The following SYNJ2 variants were observed in gnomAD, a reference collection of about 807,000 sequenced individuals.
The protein encoded by SYNJ2 is polyphosphatidylinositol phosphatase SYNJ2.
SYNJ2 carries 116 observed loss-of-function variants against 141.3 expected under a neutral mutation model. That is an observed-to-expected ratio of 0.82 (90% CI 0.71 to 0.96). SYNJ2 has a LOEUF of 0.96. SYNJ2 is among the 40% of genes least tolerant of loss of function. The pLI is 0.00. For synonymous variants in SYNJ2, 745 were observed against 777.7 expected (o/e 0.96, Z 0.70); for missense variants, 1,873 against 1,934.8 (o/e 0.97, Z 0.60).
chr6:158,085,177 G>A (rs1782956862), intron 22 of SYNJ2, among the ~76,000 whole-genome samples: 1 of 151,866 alleles, frequency 6.6e-6, no homozygotes, highest in South Asian at 2.1e-4. Flanking sequence ...GCACCAGCAT[G>A]CCCAGATAAT....
chr6:157,992,180 C>A (rs1777465141), intron 1 of SYNJ2, among the ~76,000 whole-genome samples: 1 of 152,070 alleles, frequency 6.6e-6, no homozygotes, highest in Admixed American at 6.6e-5. Context: ...TATATAGTCA[C>A]CATGTTGTGC....
intron 7 of SYNJ2, chr6:158,059,556 CTTTTTTT>C (rs71805887): frequency 8.5e-7 from 1 of 1,178,638 alleles, no homozygotes; most frequent in Non-Finnish European, 1.1e-6. Flanking sequence ...AATTTCTTTT[CTTTTTTT>C]TTTTTTTTAA....
At position 158,033,800 on chromosome 6, in the gene SYNJ2, C is replaced by T. The variant is rs1779500063; in HGVS notation, c.711+120C>T. On this transcript the variant is annotated intron_variant, in intron 4 of 26. Coordinates refer to ENST00000355585, the MANE Select transcript of SYNJ2 (RefSeq NM_003898.4). ...ATATTTGTGGTGGTCTCTGATCAGG[C>T]TTCCTCCTATAAGTGGAGAACAGCA... 5.9e-6 allele frequency: 6 copies of T among 1,019,080 alleles called. No homozygotes were observed. The East Asian group carries it at 1.0e-4, about 18-fold the overall frequency. The allele number at this position is 1,019,080 out of a possible 1,614,324, so 63.1% of individuals were successfully genotyped here.
At chr6:158,006,739 C>T (rs925181531) in intron 1 of SYNJ2, among the ~76,000 whole-genome samples, 2 of 152,166 alleles carry the variant, frequency 1.3e-5, no homozygotes, top group Admixed American at 1.3e-4. Flanking sequence ...GTGGTGCGAT[C>T]TCGGCTCACT....
At chr6:158,051,305 C>T (rs1355142765) in intron 5 of SYNJ2, among the ~76,000 whole-genome samples, 1 of 152,032 alleles carries the variant, frequency 6.6e-6, no homozygotes, top group Non-Finnish European at 1.5e-5. Flanking sequence ...GCAGGTAGCC[C>T]CTCTCTTGGG....
chr6:158,087,107 C>A, intron 23 of SYNJ2, 118 bp downstream of exon 23: 3 of 1,179,444 alleles, frequency 2.5e-6, no homozygotes, highest in Non-Finnish European at 3.5e-6. Flanking sequence ...CCCCACAGGG[C>A]TTCCTCCTCC....
Position 158,088,765 on chromosome 6 carries a change from A to G in SYNJ2, c.3449A>G (p.Gln1150Arg), listed in dbSNP as rs1267810475. 1.9e-6 allele frequency: 3 copies of G among 1,611,550 alleles called. No individual in the cohort carries two copies. Among genetic ancestry groups the G allele is most frequent in the Non-Finnish European group, 2.5e-6 (3 of 1,177,862 alleles). Residue 1150 changes from glutamine to arginine, a missense_variant, in exon 24 of 27, where the codon CAG (glutamine) becomes CGG (arginine). By Grantham distance (43) the Gln-to-Arg change is conservative (BLOSUM62 1). Transcript: ENST00000355585. ...QTARLLPGAP[Q>R]QPPKARTGIS... ...GCAAGACTTCTACCAGGAGCACCTC[A>G]GCAACCTGTGAGTTCTTCTGCATAC...
At chr6:158,020,995 G>T (rs547176773) in intron 2 of SYNJ2, among the ~76,000 whole-genome samples, 1 of 152,310 alleles carries the variant, frequency 6.6e-6, no homozygotes, top group South Asian at 2.1e-4. Flanking sequence ...ATGCCAGCAG[G>T]AAGGGGTTGG....
chr6:157,996,960 T>A (rs1435497252), intron 1 of SYNJ2, among the ~76,000 whole-genome samples: 1 of 152,132 alleles, frequency 6.6e-6, no homozygotes, highest in East Asian at 1.9e-4. Context: ...TTTATAGCAG[T>A]GCGAGAACAG....
At chr6:158,005,803 C>T (rs1766148246) in intron 1 of SYNJ2, among the ~76,000 whole-genome samples, 1 of 152,132 alleles carries the variant, frequency 6.6e-6, no homozygotes, top group Non-Finnish European at 1.5e-5. Context: ...CTCGTCCTCT[C>T]ATTCCACCCC....
At chr6:158,054,937 A>C in intron 5 of SYNJ2, 30 bp from the exon 6 acceptor site, 1 of 1,612,480 alleles carries the variant, frequency 6.2e-7, no homozygotes, top group Non-Finnish European at 8.5e-7. Context: ...GAGAAGGAAG[A>C]ATCACTGTTG....
At position 158,071,887 on chromosome 6, in the gene SYNJ2, ACAG is replaced by A. The variant is rs1333744057; in HGVS notation, c.2133+94_2133+96del. Reference sequence around the variant, plus strand: ...GGAGCCAGGCACTGGGGACACAACCACAGGGAGGGCCCCTTCCTGGAGGGCTCA... The same window carrying A: ...GGAGCCAGGCACTGGGGACACAACCAGGAGGGCCCCTTCCTGGAGGGCTCA... On this transcript the variant is annotated intron_variant, in intron 15 of 26. Coordinates refer to ENST00000355585, the MANE Select transcript of SYNJ2 (RefSeq NM_003898.4). This position sits in a 1 kb window ranked among gnomAD's most constrained non-coding sequence, Gnocchi z 4.3. 6 of 1,417,970 alleles carry A rather than the reference ACAG, an allele frequency of 4.2e-6. No homozygotes were observed. Among genetic ancestry groups the A allele is most frequent in the Non-Finnish European group, 5.7e-6 (6 of 1,050,802 alleles). The allele number at this position is 1,417,970 out of a possible 1,614,324, so 87.8% of individuals were successfully genotyped here.
In SYNJ2 at chr6:158,061,988, T is replaced by C; in HGVS notation, c.955-4T>C. The C allele has an allele frequency of 6.2e-7, 1 of 1,613,452 alleles. No individual in the cohort carries two copies. Among genetic ancestry groups the C allele is most frequent in the Non-Finnish European group, 8.5e-7 (1 of 1,179,756 alleles). ...CCCTCACCGCCCTCCCCTCCTCTTT[T>C]CAGAAGCTGCTCTGGGCTTCTTGCC... On this transcript the variant is annotated splice_region_variant and splice_polypyrimidine_tract_variant and intron_variant, in intron 7 of 26. Transcript: ENST00000355585.
In SYNJ2 at chr6:158,096,173, T is replaced by G; in HGVS notation, c.4300T>G (p.Ser1434Ala). The G allele has an allele frequency of 6.2e-7, 1 of 1,614,226 alleles. No homozygotes were observed. ...GAATAACACTTGGCTTTCTAAGAGC[T>G]CAGACCCTTTGGACTCAGGAACCAG... ...LLNNTWLSKS[S>A]DPLDSGTRSP... The change falls in exon 27 of 27, where the codon TCA (serine) becomes GCA (alanine). Residue 1434 changes from serine (S) to alanine (A), a missense_variant. By Grantham distance (99) the Ser-to-Ala change is moderately conservative (BLOSUM62 1). Coordinates refer to ENST00000355585, the MANE Select transcript of SYNJ2 (RefSeq NM_003898.4).
intron 1 of SYNJ2, among the ~76,000 whole-genome samples, chr6:158,008,288 A>G (rs1373799288): frequency 1.3e-5 from 2 of 152,200 alleles, no homozygotes; most frequent in Non-Finnish European, 2.9e-5. Flanking sequence ...TGTGTTTTTT[A>G]AAAGAGCTCT....
intron 1 of SYNJ2, among the ~76,000 whole-genome samples, chr6:157,996,165 G>A (rs1777624267): frequency 6.6e-6 from 1 of 152,112 alleles, no homozygotes; most frequent in Admixed American, 6.5e-5. Flanking sequence ...TCCCATTTTG[G>A]TTAATGGCAG....
Position 158,089,966 on chromosome 6 carries a change from G to T in SYNJ2, c.3565+19G>T, listed in dbSNP as rs747350417. 3 of 1,576,954 alleles carry T rather than the reference G, an allele frequency of 1.9e-6. No homozygotes were observed. The East Asian group carries it at 6.7e-5, about 35-fold the overall frequency. ...AGAGGAGGTAGGTGCTTTCCTGGGG[G>T]CAGGGGAAAAACCAATTCTCCTTTT... On this transcript the variant is annotated intron_variant, in intron 25 of 26. Transcript: ENST00000355585.
chr6:158,063,218 C>T (rs964300103), intron 8 of SYNJ2, among the ~76,000 whole-genome samples: 59 of 152,128 alleles, frequency 3.9e-4, no homozygotes, highest in Non-Finnish European at 5.9e-4. Flanking sequence ...AACATAATTG[C>T]TATAAATAAC....
Position 158,027,022 on chromosome 6 carries a change from T to C in SYNJ2, c.215-1734T>C. ...ATGTGTCTGGGGAGATGTGATGGGA[T>C]CAACCCCCTGCCCTGCTGGCAGCCC... On this transcript the variant is annotated intron_variant, in intron 2 of 26. Coordinates refer to ENST00000355585, the MANE Select transcript of SYNJ2 (RefSeq NM_003898.4). The surrounding 1 kb of genome is among the most constrained non-coding windows in gnomAD (Gnocchi z 4.6). 1 of 985,362 alleles carries C rather than the reference T, an allele frequency of 1.0e-6. No homozygotes were observed. Among genetic ancestry groups the C allele is most frequent in the Non-Finnish European group, 1.2e-6 (1 of 829,916 alleles). The allele number at this position is 985,362 out of a possible 1,614,324, so 61.0% of individuals were successfully genotyped here. A position where few individuals can be genotyped will look rare whatever the true frequency, so the allele number is the denominator to read the frequency against.
Sources: allele counts gnomAD v4.1 joint callset (sites outside exome capture counted in the v4.1 genomes callset), GRCh38; gene constraint gnomAD v4.1.1; non-coding constraint Gnocchi (gnomAD v3.1); transcripts MANE v1.5; gene names NCBI Gene and HGNC (gene_info 2026-07-23, HGNC 2026-07-21).